The following TAS2R1 variants were observed in gnomAD, a reference collection of about 807,000 sequenced individuals.
The protein encoded by TAS2R1 is taste 2 receptor member 1, also known as taste receptor type 2 member 1.
For missense variants in TAS2R1, 370 were observed against 353.4 expected (o/e 1.05, Z -0.38); for synonymous variants, 141 against 134.2 (o/e 1.05, Z -0.35).
chr5:9,813,807 CCTGCCACAT>C, the TAS2R1 span, among the ~76,000 whole-genome samples: 1 of 152,164 alleles, frequency 6.6e-6, no homozygotes, highest in Non-Finnish European at 1.5e-5. Context: ...GAAAGTACAT[CCTGCCACAT>C]CTGTCTCTGC....
At chr5:9,631,689 G>A (rs1321179167), upstream of TAS2R1, among the ~76,000 whole-genome samples, 1 of 152,186 alleles carries the variant, frequency 6.6e-6, no homozygotes, top group Non-Finnish European at 1.5e-5. Context: ...TAATGAACGT[G>A]TGTTACTTTG....
the TAS2R1 span, among the ~76,000 whole-genome samples, chr5:9,862,384 C>A: frequency 6.6e-6 from 1 of 152,222 alleles, no homozygotes; most frequent in African/African-American, 2.4e-5. Context: ...TGTGGGCAAC[C>A]TGTTCTGACA....
chr5:9,753,765 T>C, the TAS2R1 span, among the ~76,000 whole-genome samples: 3 of 152,344 alleles, frequency 2.0e-5, no homozygotes, highest in African/African-American at 7.2e-5. Context: ...TTTCTACATA[T>C]GGCTAGCCAG....
chr5:9,889,204 G>T, the TAS2R1 span, among the ~76,000 whole-genome samples: 1 of 152,136 alleles, frequency 6.6e-6, no homozygotes, highest in African/African-American at 2.4e-5. Context: ...GTACATTTCT[G>T]GTTGTCTTCC....
chr5:9,761,351 C>T, the TAS2R1 span, among the ~76,000 whole-genome samples: 1 of 143,538 alleles, frequency 7.0e-6, no homozygotes, highest in Non-Finnish European at 1.5e-5. Context: ...GGAAGCTAGA[C>T]AAGAATTAAA....
the TAS2R1 span, among the ~76,000 whole-genome samples, chr5:9,745,706 G>A: frequency 6.6e-5 from 10 of 152,082 alleles, no homozygotes; most frequent in African/African-American, 2.4e-4. Context: ...GGGAAAACTG[G>A]CTAGCCATAA....
chr5:9,880,719 T>C, the TAS2R1 span, among the ~76,000 whole-genome samples: 1 of 152,144 alleles, frequency 6.6e-6, no homozygotes. Flanking sequence ...GACGCTGGGA[T>C]ACTAATTACT....
At chr5:9,892,839 C>T in the TAS2R1 span, among the ~76,000 whole-genome samples, 2 of 152,206 alleles carry the variant, frequency 1.3e-5, no homozygotes, top group East Asian at 3.9e-4. Context: ...AAAAAGCAGC[C>T]CTTCTTCAAG....
chr5:9,898,182 C>A, the TAS2R1 span, among the ~76,000 whole-genome samples: 1 of 152,164 alleles, frequency 6.6e-6, no homozygotes, highest in Non-Finnish European at 1.5e-5. Flanking sequence ...TCCAAAATAA[C>A]CATCTTTGAA....
rs114963886 is a variant in TAS2R1 at position 9,694,776 on chromosome 5, A to G, written c.-242+17396T>C. On this transcript the variant is annotated intron_variant, in intron 1 of 2. Coordinates refer to the TAS2R1 transcript ENST00000506620. The stretch of plus-strand genomic sequence containing the variant: ...AATTCCTCTCAATTTCTTTTTATCA[A>G]ATTGCTTAGTTCAATTTTGATCATT... 9.7e-3 allele frequency among the ~76,000 whole-genome samples: 1,478 copies of G among 152,314 alleles called. 26 individuals carry two copies. Among genetic ancestry groups the G allele is most frequent in the African/African-American group, 0.034 (1,402 of 41,560 alleles).
chr5:9,897,011 G>A, the TAS2R1 span, among the ~76,000 whole-genome samples: 1 of 152,186 alleles, frequency 6.6e-6, no homozygotes, highest in Non-Finnish European at 1.5e-5. Context: ...ATTTTACCAT[G>A]AAAACATCTG....
intron 1 of TAS2R1, among the ~76,000 whole-genome samples, chr5:9,698,869 G>T (rs573731803): frequency 2.0e-5 from 3 of 152,240 alleles, no homozygotes; most frequent in African/African-American, 7.2e-5. Flanking sequence ...TGTCCATGCT[G>T]TTTCTGTGTG....
At position 9,630,002 on chromosome 5, in the gene TAS2R1, G is replaced by A; in HGVS notation, c.31C>T (p.Leu11Phe). The A allele has an allele frequency of 6.3e-7, 1 of 1,584,792 alleles. No individual in the cohort carries two copies. The highest frequency in any genetic ancestry group is 8.6e-7 in the Non-Finnish European group (1 of 1,169,430). Residue 11 changes from leucine (L) to phenylalanine (F), a missense_variant, in exon 1 of 1, where the codon CTT becomes TTT. By Grantham distance (22) the Leu-to-Phe change is conservative (BLOSUM62 0). Coordinates refer to ENST00000382492, the MANE Select transcript of TAS2R1 (RefSeq NM_019599.3). Reference protein sequence around the residue: MLESHLIIYFLLAVIQFLLGI... With the variant: MLESHLIIYFFLAVIQFLLGI... The stretch of plus-strand genomic sequence containing the variant: ...AGAAGAAATTGTATCACTGCAAGAA[G>A]AAAATAGATAATGAGGTGAGACTCT...
At chr5:9,806,985 T>G in the TAS2R1 span, among the ~76,000 whole-genome samples, 1 of 152,058 alleles carries the variant, frequency 6.6e-6, no homozygotes, top group Non-Finnish European at 1.5e-5. Flanking sequence ...GGAGAAAGTC[T>G]TCATAATCTA....
At chr5:9,755,155 C>G in the TAS2R1 span, among the ~76,000 whole-genome samples, 2 of 152,152 alleles carry the variant, frequency 1.3e-5, no homozygotes, top group South Asian at 4.1e-4. Context: ...AGAGATCCTG[C>G]CTCAGACTGG....
intron 2 of TAS2R1, among the ~76,000 whole-genome samples, chr5:9,652,086 TA>T (rs1382970741): frequency 6.6e-6 from 1 of 152,226 alleles, no homozygotes; most frequent in Non-Finnish European, 1.5e-5. Flanking sequence ...ATTATATGTA[TA>T]TTCACATGAC....
chr5:9,653,277 C>A (rs1467697641), intron 2 of TAS2R1, among the ~76,000 whole-genome samples: 1 of 152,194 alleles, frequency 6.6e-6, no homozygotes, highest in East Asian at 1.9e-4. Flanking sequence ...CTTTTTATCA[C>A]CCACGTTGTA....
upstream of TAS2R1, among the ~76,000 whole-genome samples, chr5:9,631,631 C>T (rs772007800): frequency 6.6e-6 from 1 of 152,176 alleles, no homozygotes; most frequent in Non-Finnish European, 1.5e-5. Flanking sequence ...TCCAACTTAG[C>T]ACTTAATCAA....
chr5:9,808,865 TA>T, the TAS2R1 span, among the ~76,000 whole-genome samples: 126 of 152,214 alleles, frequency 8.3e-4, no homozygotes, highest in Admixed American at 1.4e-3. Flanking sequence ...ACTATTGCCA[TA>T]GGGGTGGGGC....
Sources: gnomAD v4.1 joint callset for allele counts (sites outside exome capture counted in the v4.1 genomes callset) on GRCh38, gnomAD v4.1.1 for gene constraint, MANE v1.5 for transcripts, NCBI Gene and HGNC (gene_info 2026-07-23, HGNC 2026-07-21) for gene names.